The following SYT6 variants were observed in gnomAD, a reference collection of about 807,000 sequenced individuals.
SYT6 encodes the protein synaptotagmin-6.
A neutral mutation model predicts 38.4 loss-of-function variants in SYT6; 24 were observed. That is an observed-to-expected ratio of 0.62 (90% CI 0.45 to 0.88). SYT6 has a LOEUF of 0.88. Ranked by LOEUF, SYT6 falls within the 40% of genes least tolerant of loss-of-function variation. SYT6 has a pLI of 0.00. For missense variants in SYT6, 611 were observed against 621.0 expected (o/e 0.98, Z 0.17); for synonymous variants, 265 against 241.9 (o/e 1.10, Z -0.89).
At chr1:114,148,174 C>T (rs1214506063) in intron 1 of SYT6, among the ~76,000 whole-genome samples, 1 of 152,150 alleles carries the variant, frequency 6.6e-6, no homozygotes. Flanking sequence ...TTATCTTCCC[C>T]CACTGACACT....
At chr1:114,109,289 G>A (rs1013097287) in intron 3 of SYT6, among the ~76,000 whole-genome samples, 5 of 152,194 alleles carry the variant, frequency 3.3e-5, no homozygotes, top group South Asian at 2.1e-4. Flanking sequence ...TTGAAGGCAC[G>A]AATGGGGTCT....
intron 3 of SYT6, among the ~76,000 whole-genome samples, chr1:114,135,807 C>A (rs771255198): frequency 2.0e-5 from 3 of 152,200 alleles, no homozygotes; most frequent in Non-Finnish European, 4.4e-5. Context: ...TGGCCCTCAC[C>A]CCTCTCCCTG....
At chr1:114,123,298 C>T (rs958726595) in intron 3 of SYT6, among the ~76,000 whole-genome samples, 1 of 152,144 alleles carries the variant, frequency 6.6e-6, no homozygotes, top group Non-Finnish European at 1.5e-5. Context: ...TTTTTTCTCT[C>T]TGGAAGTTGG....
At chr1:114,120,427 G>C (rs892599141) in intron 3 of SYT6, among the ~76,000 whole-genome samples, 6 of 152,166 alleles carry the variant, frequency 3.9e-5, no homozygotes, top group Admixed American at 2.0e-4. Flanking sequence ...AGGGCAGGGC[G>C]TGCACATTGT....
chr1:114,138,983 G>A (rs1392803698), intron 2 of SYT6, among the ~76,000 whole-genome samples: 1 of 152,202 alleles, frequency 6.6e-6, no homozygotes, highest in African/African-American at 2.4e-5. Flanking sequence ...GTCCATCAGA[G>A]CCCTAAGTTT....
chr1:114,146,540 A>G (rs1239111833), intron 1 of SYT6, among the ~76,000 whole-genome samples: 1 of 152,208 alleles, frequency 6.6e-6, no homozygotes, highest in Non-Finnish European at 1.5e-5. Flanking sequence ...TAGAACTTTG[A>G]TGGGCAACTC....
chr1:114,097,539 G>T (rs73003974), intron 6 of SYT6, among the ~76,000 whole-genome samples, 188 bp downstream of exon 6: 2,508 of 152,302 alleles, frequency 0.016, 63 homozygotes, highest in African/African-American at 0.054. Context: ...AACACCAGGG[G>T]CTTTGTGTTG....
At chr1:114,124,801 G>C (rs1677628949) in intron 3 of SYT6, among the ~76,000 whole-genome samples, 1 of 152,202 alleles carries the variant, frequency 6.6e-6, no homozygotes, top group Non-Finnish European at 1.5e-5. Flanking sequence ...TGGCAACATG[G>C]GGGAGGGCTC....
intron 3 of SYT6, among the ~76,000 whole-genome samples, chr1:114,121,423 T>C (rs900574164): frequency 4.6e-5 from 7 of 152,132 alleles, no homozygotes; most frequent in African/African-American, 1.2e-4. Flanking sequence ...AGCCAGTGCA[T>C]CAACCCCTCA....
chr1:114,153,792 G>C lies in SYT6; in HGVS notation c.-20C>G, dbSNP rs1237803328. The C allele has an allele frequency of 3.1e-6, 2 of 648,508 alleles. No individual in the cohort carries two copies. The highest frequency in any genetic ancestry group is 3.8e-5 in the African/African-American group (2 of 52,146). The allele number at this position is 648,508 out of a possible 1,614,324, so 40.2% of individuals were successfully genotyped here. A position where few individuals can be genotyped will look rare whatever the true frequency, so the allele number is the denominator to read the frequency against. Reference sequence around the variant, plus strand: ...GCTCATGCCCTAGACACCCAGGCTTGCCGAGCAGCAGCTCGAACCCGCGCC... The same window carrying C: ...GCTCATGCCCTAGACACCCAGGCTTCCCGAGCAGCAGCTCGAACCCGCGCC... On this transcript the variant is annotated 5_prime_UTR_variant, in exon 1 of 8. Transcript: ENST00000610222.
rs779934508 is a variant in SYT6, at chr1:114,139,678, T to A, written c.449A>T (p.Lys150Met). Reference sequence around the variant, plus strand: ...CCGGGTGTGACGCATGATGTGCTCCTTGACCGACATCTGCACCTCAGCTGG... The same window carrying A: ...CCGGGTGTGACGCATGATGTGCTCCATGACCGACATCTGCACCTCAGCTGG... ...DIPAEVQMSVKEHIMRHTRLQ... is the reference protein window; with the variant it reads ...DIPAEVQMSVMEHIMRHTRLQ... Residue 150 changes from lysine (K) to methionine (M), a missense_variant, in exon 2 of 8, where the codon AAG becomes ATG. Lys to Met is a moderately conservative substitution (Grantham distance 95, BLOSUM62 -1). Transcript: ENST00000610222. 1 of 1,613,844 alleles carries A rather than the reference T, an allele frequency of 6.2e-7. No homozygotes were observed. Among genetic ancestry groups the A allele is most frequent in the African/African-American group, 1.3e-5 (1 of 74,830 alleles).
Position 114,139,999 on chromosome 1 carries a change from C to T in SYT6, c.164-36G>A, listed in dbSNP as rs1287328816. On this transcript the variant is annotated intron_variant, in intron 1 of 7. Transcript: ENST00000610222. ...CATGAGCCAGGCAGGGAGGGACAGACAGACAGAGGCGGGGAGAAGCGGGTG... is the reference window on the plus strand; with the variant it reads ...CATGAGCCAGGCAGGGAGGGACAGATAGACAGAGGCGGGGAGAAGCGGGTG... 1.1e-5 allele frequency: 14 copies of T among 1,320,670 alleles called. No homozygotes were observed. In the Middle Eastern group the frequency reaches 7.6e-4, roughly 71 times the overall value. 81.8% of individuals were successfully genotyped at this position (1,320,670 alleles called of 1,614,324 possible).
intron 3 of SYT6, among the ~76,000 whole-genome samples, chr1:114,131,761 GA>G (rs1678172751): frequency 6.6e-6 from 1 of 152,214 alleles, no homozygotes; most frequent in African/African-American, 2.4e-5. Context: ...AAACTAAAAA[GA>G]AACAATGTCA....
At chr1:114,139,454 C>T (rs1006435744) in intron 2 of SYT6, among the ~76,000 whole-genome samples, 161 bp downstream of exon 2, 5 of 152,224 alleles carry the variant, frequency 3.3e-5, no homozygotes, top group African/African-American at 1.2e-4. Flanking sequence ...CCCACCTCCT[C>T]ATTGATCACC....
At chr1:114,111,863 C>T (rs1279831594) in intron 3 of SYT6, among the ~76,000 whole-genome samples, 2 of 152,140 alleles carry the variant, frequency 1.3e-5, no homozygotes, top group Non-Finnish European at 1.5e-5. Context: ...TGGGAGTGGG[C>T]ACTCCTTCCT....
In SYT6 at chr1:114,102,935, A is replaced by G. The variant is rs966189865; in HGVS notation, c.1192+666T>C. ...TTGTGGGGAAAGACTCAAACCTCTGACACTACGTCCATCCTGCAGGTCTCT... is the reference window on the plus strand; with the variant it reads ...TTGTGGGGAAAGACTCAAACCTCTGGCACTACGTCCATCCTGCAGGTCTCT... On this transcript the variant is annotated intron_variant, in intron 4 of 7. Coordinates refer to ENST00000610222, the MANE Select transcript of SYT6 (RefSeq NM_001253772.2). 3.9e-5 allele frequency among the ~76,000 whole-genome samples: 6 copies of G among 152,330 alleles called. No homozygotes were observed. In the East Asian group the frequency reaches 1.2e-3, roughly 29 times the overall value.
chr1:114,135,529 T>C (rs970468366), intron 3 of SYT6, among the ~76,000 whole-genome samples: 5 of 148,848 alleles, frequency 3.4e-5, no homozygotes, highest in African/African-American at 1.2e-4. Context: ...ATGAGGATGA[T>C]GGTGATTTGT....
In SYT6 at chr1:114,137,821, G is replaced by A. The variant is rs558921980; in HGVS notation, c.745C>T (p.Arg249Cys). The A allele has an allele frequency of 9.3e-6, 15 of 1,614,076 alleles. No individual in the cohort carries two copies. Among genetic ancestry groups the A allele is most frequent in the East Asian group, 6.7e-5 (3 of 44,864 alleles). ...GGGAGGTCAAAAGCCTTCAGGATAC[G>A]CACAATCAGGGTCTCGGTCTCGTAA... Reference protein sequence around the residue: ...YDYETETLIVRILKAFDLPAK... With the variant: ...YDYETETLIVCILKAFDLPAK... Residue 249 changes from arginine to cysteine, a missense_variant, in exon 3 of 8, where the codon CGT becomes TGT. Arg to Cys is a radical substitution (Grantham distance 180, BLOSUM62 -3). Coordinates refer to ENST00000610222, the MANE Select transcript of SYT6 (RefSeq NM_001253772.2).
intron 1 of SYT6, among the ~76,000 whole-genome samples, chr1:114,145,125 G>A (rs747686470): frequency 2.0e-5 from 3 of 152,056 alleles, no homozygotes; most frequent in Non-Finnish European, 4.4e-5. Flanking sequence ...CTCGGGGCAG[G>A]TGGACACAAG....
Sources: allele counts gnomAD v4.1 joint callset (sites outside exome capture counted in the v4.1 genomes callset), GRCh38; gene constraint gnomAD v4.1.1; transcripts MANE v1.5; gene names NCBI Gene and HGNC (gene_info 2026-07-23, HGNC 2026-07-21).